Variants in SMCO3 observed in about 807,000 individuals in gnomAD.
SMCO3 encodes single-pass membrane protein with coiled-coil domains 3.
A neutral mutation model predicts 12.0 loss-of-function variants in SMCO3; 6 were observed. That is an observed-to-expected ratio of 0.50 (90% confidence interval 0.27 to 0.99). The LOEUF (loss-of-function observed/expected upper bound fraction) is 0.99, where lower values mean the gene tolerates loss of function less well. Ranked by LOEUF, SMCO3 falls within the 50% of genes least tolerant of loss-of-function variation. The pLI is 0.11. For missense variants in SMCO3, 279 were observed against 265.0 expected, an observed-to-expected ratio of 1.05 and a Z score of -0.37; for synonymous variants, 96 against 96.4, an observed-to-expected ratio of 1.00 and a Z score of 0.02.
At chr12:14,808,742 T>A (rs1243461201) in intron 1 of SMCO3, among the ~76,000 whole-genome samples, 1 of 152,156 alleles carries the variant, frequency 6.6e-6, no homozygotes, top group African/African-American at 2.4e-5. Flanking sequence ...ACTACCATGG[T>A]CAGAAATTAA....
intron 1 of SMCO3, among the ~76,000 whole-genome samples, chr12:14,810,912 AGTT>A (rs1337256335): frequency 6.6e-6 from 1 of 152,202 alleles, no homozygotes. Context: ...TAAAGATCGT[AGTT>A]GTTACTCAGG....
At chr12:14,811,988 A>T in intron 1 of SMCO3, among the ~76,000 whole-genome samples, 1 of 152,216 alleles carries the variant, frequency 6.6e-6, no homozygotes, top group East Asian at 1.9e-4. Context: ...ACACTTTTTT[A>T]AATAGAGGAG....
At chr12:14,807,856 C>G (rs1010579773) in intron 1 of SMCO3, among the ~76,000 whole-genome samples, 4 of 152,064 alleles carry the variant, frequency 2.6e-5, no homozygotes, top group African/African-American at 9.7e-5. Flanking sequence ...AAAAAAATGC[C>G]ATTTTACAAA....
At chr12:14,813,360 C>G (rs185788587) in intron 1 of SMCO3, among the ~76,000 whole-genome samples, 1 of 152,098 alleles carries the variant, frequency 6.6e-6, no homozygotes, top group African/African-American at 2.4e-5. Flanking sequence ...AAATCAGGAG[C>G]TTTTCAGAAG....
intron 1 of SMCO3, among the ~76,000 whole-genome samples, chr12:14,812,327 C>G (rs1950153315): frequency 6.6e-6 from 1 of 152,150 alleles, no homozygotes; most frequent in South Asian, 2.1e-4. Flanking sequence ...GCCTGTAGTC[C>G]CAGCTACTTG....
chr12:14,806,123 T>C lies in SMCO3; in HGVS notation c.558A>G (p.Thr186=). The C allele has an allele frequency of 6.2e-7, 1 of 1,614,186 alleles. No individual in the cohort carries two copies. Among genetic ancestry groups the C allele is most frequent in the Non-Finnish European group, 8.5e-7 (1 of 1,180,040 alleles). ...VRAILGAVEK[T]QLQAAIKSYE... Reference sequence around the variant, plus strand: ...AACTTTTGATGGCTGCTTGAAGCTGTGTTTTTTCCACTGCTCCCAGGATGG... The same window carrying C: ...AACTTTTGATGGCTGCTTGAAGCTGCGTTTTTTCCACTGCTCCCAGGATGG... Residue 186 remains threonine (T), a synonymous_variant, in exon 2 of 2, where the codon ACA becomes ACG. Transcript: ENST00000316048.
chr12:14,812,216 G>A (rs1236950550), intron 1 of SMCO3, among the ~76,000 whole-genome samples: 5 of 152,080 alleles, frequency 3.3e-5, no homozygotes, highest in Non-Finnish European at 7.4e-5. Context: ...AGGCCGAGGC[G>A]GGCGGATCAC....
chr12:14,812,139 C>T (rs1259493830), intron 1 of SMCO3, among the ~76,000 whole-genome samples: 5 of 152,174 alleles, frequency 3.3e-5, no homozygotes, highest in Non-Finnish European at 7.4e-5. Flanking sequence ...ACACTTTCCC[C>T]TATTTATAGC....
chr12:14,805,921 GAAAATGAA>G lies in SMCO3; in HGVS notation c.*74_*81del, dbSNP rs1299171640. Reference sequence around the variant, plus strand: ...TTTAAGTCCATATTGGAAGCCTATAGAAAATGAACCTAATCAAAGAAGCAAACACTGTT... The same window carrying G: ...TTTAAGTCCATATTGGAAGCCTATAGCCTAATCAAAGAAGCAAACACTGTT... On this transcript the variant is annotated 3_prime_UTR_variant, in exon 2 of 2. Coordinates refer to ENST00000316048, the MANE Select transcript of SMCO3 (RefSeq NM_001013698.2). The G allele has an allele frequency of 2.2e-6, 3 of 1,368,092 alleles. No individual in the cohort carries two copies. Among genetic ancestry groups the G allele is most frequent in the Middle Eastern group, 1.9e-4 (1 of 5,314 alleles). The allele number at this position is 1,368,092 out of a possible 1,614,324, so 84.7% of individuals were successfully genotyped here.
chr12:14,808,723 GTAAAA>G (rs1565679477), intron 1 of SMCO3, among the ~76,000 whole-genome samples: 1 of 152,138 alleles, frequency 6.6e-6, no homozygotes, highest in Non-Finnish European at 1.5e-5. Context: ...GAACCTCCTG[GTAAAA>G]TAAACTACCA....
chr12:14,810,975 G>A (rs1950127099), intron 1 of SMCO3, among the ~76,000 whole-genome samples: 1 of 152,176 alleles, frequency 6.6e-6, no homozygotes, highest in South Asian at 2.1e-4. Context: ...GTGCCCGAGA[G>A]GAGTTCTGAG....
At chr12:14,806,785 G>T in intron 1 of SMCO3, 89 bp from the exon 2 acceptor site, 1 of 1,180,218 alleles carries the variant, frequency 8.5e-7, no homozygotes, top group Non-Finnish European at 1.2e-6. Flanking sequence ...TTTTCTTCAT[G>T]CATAGCAAAG....
chr12:14,805,978 C>T lies in SMCO3; in HGVS notation c.*25G>A. ...TTACTGAAAAGGAAGCAGAAAAACA[C>T]TTCAGTGGCAAATAAAACGGCTGTT... On this transcript the variant is annotated 3_prime_UTR_variant, in exon 2 of 2. Coordinates refer to ENST00000316048, the MANE Select transcript of SMCO3 (RefSeq NM_001013698.2). 2 of 1,574,096 alleles carry T rather than the reference C, an allele frequency of 1.3e-6. No homozygotes were observed. Among genetic ancestry groups the T allele is most frequent in the East Asian group, 2.2e-5 (1 of 44,536 alleles).
rs1950050569 is a variant in SMCO3, at chr12:14,806,403, G to A, written c.278C>T (p.Pro93Leu). The part of the protein sequence containing the change: ...VDEALKDKLE[P>L]TLYRKLQDIK... ...ATCCTGAAGTTTTCTATAGAGGGTT[G>A]GCTCTAGCTTATCTTTTAGTGCTTC... Residue 93 changes from proline to leucine, a missense_variant, in exon 2 of 2, where the codon CCA becomes CTA. By Grantham distance (98) the Pro-to-Leu change is moderately conservative. Transcript: ENST00000316048. The A allele has an allele frequency of 2.5e-6, 4 of 1,614,030 alleles. No individual in the cohort carries two copies. In the South Asian group the frequency reaches 3.3e-5, roughly 13 times the overall value.
At chr12:14,813,007 T>A (rs1427818596) in intron 1 of SMCO3, among the ~76,000 whole-genome samples, 1 of 152,208 alleles carries the variant, frequency 6.6e-6, no homozygotes, top group East Asian at 1.9e-4. Context: ...AATGAAATGG[T>A]CTCAGAGATT....
chr12:14,812,095 A>G (rs182529246), intron 1 of SMCO3, among the ~76,000 whole-genome samples: 74 of 152,362 alleles, frequency 4.9e-4, no homozygotes, highest in Admixed American at 1.4e-3. Context: ...AGTTATCATA[A>G]TAGTATAAAT....
intron 1 of SMCO3, among the ~76,000 whole-genome samples, chr12:14,813,127 A>G (rs1167385583): frequency 6.6e-6 from 1 of 152,208 alleles, no homozygotes; most frequent in Non-Finnish European, 1.5e-5. Flanking sequence ...GGAGTTTATT[A>G]TATTATTGTC....
Position 14,805,477 on chromosome 12 carries a change from T to A in SMCO3, c.*526A>T, listed in dbSNP as rs1213247529. 3.9e-5 allele frequency: 6 copies of A among 152,630 alleles called. No individual in the cohort carries two copies. The highest frequency in any genetic ancestry group is 7.3e-5 in the Non-Finnish European group (5 of 68,382). 9.5% of individuals were successfully genotyped at this position (152,630 alleles called of 1,614,324 possible). On this transcript the variant is annotated 3_prime_UTR_variant, in exon 2 of 2. Transcript: ENST00000316048. Reference sequence around the variant, plus strand: ...ATTGAAGCACATTGTTACAAACCATTTTTCAGTCTCTTCTAGTTTACAGAA... The same window carrying A: ...ATTGAAGCACATTGTTACAAACCATATTTCAGTCTCTTCTAGTTTACAGAA...
At chr12:14,806,790 G>T in intron 1 of SMCO3, 94 bp from the exon 2 acceptor site, 1 of 1,110,932 alleles carries the variant, frequency 9.0e-7, no homozygotes, top group Non-Finnish European at 1.3e-6. Context: ...TTCATGCATA[G>T]CAAAGAAGCA....
Sources: allele counts gnomAD v4.1 joint callset (sites outside exome capture counted in the v4.1 genomes callset), GRCh38; gene constraint gnomAD v4.1.1; transcripts MANE v1.5; gene names NCBI Gene and HGNC (gene_info 2026-07-23, HGNC 2026-07-21).